The following PLB1 variants were observed in gnomAD, a reference collection of about 807,000 sequenced individuals.
The protein encoded by PLB1 is phospholipase B1.
In PLB1, 242 loss-of-function variants were observed where a neutral mutation model predicts 227.4. That is an observed-to-expected ratio of 1.06 (90% CI 0.96 to 1.18). The LOEUF (loss-of-function observed/expected upper bound fraction) is 1.18. Ranked by LOEUF, PLB1 falls within the 50% of genes most tolerant of loss-of-function variation. The pLI is 0.00. For synonymous variants in PLB1, 757 were observed against 682.2 expected (o/e 1.11, Z -1.71); for missense variants, 1,858 against 1,816.3 (o/e 1.02, Z -0.42).
intron 56 of PLB1, among the ~76,000 whole-genome samples, chr2:28,636,355 T>G (rs926754837): frequency 5.3e-5 from 8 of 152,310 alleles, no homozygotes; most frequent in African/African-American, 1.9e-4. Context: ...TGAGCCACAA[T>G]GCTTGGCCAT....
intron 1 of PLB1, among the ~76,000 whole-genome samples, chr2:28,515,388 A>G (rs1668727171): frequency 6.6e-6 from 1 of 152,032 alleles, no homozygotes; most frequent in African/African-American, 2.4e-5. Context: ...CCAGTTACAA[A>G]CACCTATGCC....
chr2:28,638,084 T>A (rs1224598847), intron 56 of PLB1, among the ~76,000 whole-genome samples: 1 of 151,964 alleles, frequency 6.6e-6, no homozygotes, highest in Non-Finnish European at 1.5e-5. Context: ...CTGCTCCAGG[T>A]GCTGAGGACT....
rs764265889 is a variant in PLB1 at position 28,628,620 on chromosome 2, T to G, written c.3718T>G (p.Ser1240Ala). Residue 1240 changes from serine to alanine, a missense_variant, in exon 52 of 58, where the codon TCT (serine) becomes GCT (alanine). By Grantham distance (99) the Ser-to-Ala change is moderately conservative. Transcript: ENST00000327757. Reference sequence around the variant, plus strand: ...CATCCAACAGGCCCTGGACATCCTCTCTGAGGAGGTAGGAGAGGGGTTACG... The same window carrying G: ...CATCCAACAGGCCCTGGACATCCTCGCTGAGGAGGTAGGAGAGGGGTTACG... The part of the protein sequence containing the change: ...QHIQQALDIL[S>A]EELPRAFVNV... 6.8e-6 allele frequency: 11 copies of G among 1,613,940 alleles called. No individual in the cohort carries two copies. The African/African-American group carries it at 9.3e-5, about 14-fold the overall frequency.
At chr2:28,539,800 T>C (rs1242032374) in intron 11 of PLB1, among the ~76,000 whole-genome samples, 1 of 151,788 alleles carries the variant, frequency 6.6e-6, no homozygotes, top group African/African-American at 2.4e-5. Context: ...TGTGGGTGTC[T>C]GGTGTGAAGA....
intron 14 of PLB1, among the ~76,000 whole-genome samples, chr2:28,547,292 TTCC>T (rs1558726020): frequency 6.6e-6 from 1 of 151,886 alleles, no homozygotes; most frequent in African/African-American, 2.4e-5. Context: ...TGCTCAATAC[TTCC>T]TTTGACAGCC....
chr2:28,629,879 GTT>G (rs1317668545), intron 53 of PLB1, among the ~76,000 whole-genome samples: 1 of 152,182 alleles, frequency 6.6e-6, no homozygotes, highest in Non-Finnish European at 1.5e-5. Context: ...GCCTCCCACA[GTT>G]TGAGTGATTA....
intron 1 of PLB1, among the ~76,000 whole-genome samples, chr2:28,512,832 G>A (rs1204847554): frequency 6.6e-6 from 1 of 152,066 alleles, no homozygotes; most frequent in Non-Finnish European, 1.5e-5. Context: ...TGCAGGTTAG[G>A]GAATGAGCAC....
At chr2:28,514,260 G>A (rs1461265448) in intron 1 of PLB1, among the ~76,000 whole-genome samples, 1 of 151,974 alleles carries the variant, frequency 6.6e-6, no homozygotes, top group East Asian at 1.9e-4. Context: ...TATTTAAGTG[G>A]GTTTATTTCT....
intron 44 of PLB1, among the ~76,000 whole-genome samples, chr2:28,615,697 TATTC>T (rs1686101989): frequency 6.6e-6 from 1 of 152,244 alleles, no homozygotes; most frequent in Non-Finnish European, 1.5e-5. Context: ...TTTCTTCATT[TATTC>T]ATTTACCTAT....
At chr2:28,561,686 T>C (rs888674572) in intron 17 of PLB1, among the ~76,000 whole-genome samples, 2 of 150,952 alleles carry the variant, frequency 1.3e-5, no homozygotes, top group African/African-American at 2.4e-5. Flanking sequence ...AGGCCAGGAG[T>C]TCGAGACCAG....
At chr2:28,629,630 G>A (rs1366348957) in intron 53 of PLB1, among the ~76,000 whole-genome samples, 2 of 152,212 alleles carry the variant, frequency 1.3e-5, no homozygotes, top group Non-Finnish European at 2.9e-5. Context: ...TGGGGGTGAT[G>A]ACACCTTCCC....
At chr2:28,639,445 G>C (rs532852206) in intron 56 of PLB1, among the ~76,000 whole-genome samples, 3 of 152,334 alleles carry the variant, frequency 2.0e-5, no homozygotes, top group African/African-American at 7.2e-5. Context: ...GAGCAGCAGA[G>C]AGAAGGAGAG....
chr2:28,592,399 CCTT>C (rs137945057), intron 31 of PLB1, among the ~76,000 whole-genome samples: 12,124 of 151,812 alleles, frequency 0.08, 618 homozygotes, highest in Non-Finnish European at 0.11. Flanking sequence ...CTCCATCTCT[CCTT>C]CTCCCTTTCC....
At chr2:28,593,917 G>T in intron 33 of PLB1, 163 bp downstream of exon 33, 2 of 736,078 alleles carry the variant, frequency 2.7e-6, no homozygotes. Context: ...AACATTTGGT[G>T]AGTGGAGAGG....
At chr2:28,632,773 A>G (rs1357488174) in intron 55 of PLB1, among the ~76,000 whole-genome samples, 171 bp from the exon 56 acceptor site, 3 of 149,026 alleles carry the variant, frequency 2.0e-5, no homozygotes, top group African/African-American at 7.8e-5. Context: ...AAGAAAAAAG[A>G]AAAAAAGAAA....
At chr2:28,539,723 TG>T (rs1238947352) in intron 11 of PLB1, among the ~76,000 whole-genome samples, 1 of 151,352 alleles carries the variant, frequency 6.6e-6, no homozygotes, top group Non-Finnish European at 1.5e-5. Context: ...AGTGGGGTGC[TG>T]GGGAAGGAGG....
intron 38 of PLB1, 66 bp downstream of exon 38, chr2:28,602,030 GA>G: frequency 7.8e-7 from 1 of 1,289,708 alleles, no homozygotes; most frequent in Non-Finnish European, 1.1e-6. Flanking sequence ...TGGATGGGGG[GA>G]AAGAATGAGA....
At chr2:28,545,087 A>G (rs1402562314) in intron 14 of PLB1, among the ~76,000 whole-genome samples, 1 of 152,126 alleles carries the variant, frequency 6.6e-6, no homozygotes, top group Non-Finnish European at 1.5e-5. Context: ...AAACTACTCG[A>G]GGGTCAGAAT....
rs757404223 is a variant in PLB1 at position 28,632,042 on chromosome 2, A to C, written c.3904A>C (p.Ile1302Leu). 4 of 1,613,650 alleles carry C rather than the reference A, an allele frequency of 2.5e-6. No homozygotes were observed. In the South Asian group the frequency reaches 4.4e-5, roughly 18 times the overall value. The change falls in exon 55 of 58, where the codon ATC becomes CTC. Residue 1302 changes from isoleucine to leucine, a missense_variant. Transcript: ENST00000327757. ...KKVNWNLQHGISSFSYWHQYT... is the reference protein window; with the variant it reads ...KKVNWNLQHGLSSFSYWHQYT... ...CTTCTCTCTCTGTCCCCAGCATGGC[A>C]TCTCCAGTTTCTCCTACTGGCACCA...
Sources: gnomAD v4.1 joint callset for allele counts (sites outside exome capture counted in the v4.1 genomes callset) on GRCh38, gnomAD v4.1.1 for gene constraint, MANE v1.5 for transcripts, NCBI Gene and HGNC (gene_info 2026-07-23, HGNC 2026-07-21) for gene names.